Variants in CALN1 observed in about 807,000 individuals in gnomAD.
CALN1 encodes calcium-binding protein 8.
A neutral mutation model predicts 30.6 loss-of-function variants in CALN1; 17 were observed. The ratio of observed to expected loss-of-function variants is 0.56; its 90% CI spans 0.38 to 0.83. CALN1 has a LOEUF of 0.83. CALN1 is among the 40% of genes least tolerant of loss of function. The pLI is 0.00. For missense variants in CALN1, 291 were observed against 354.9 expected, an observed-to-expected ratio of 0.82 and a Z score of 1.45; for synonymous variants, 156 against 131.4, an observed-to-expected ratio of 1.19 and a Z score of -1.28.
At chr7:72,034,445 A>T (rs1473349490) in intron 4 of CALN1, among the ~76,000 whole-genome samples, 1 of 150,098 alleles carries the variant, frequency 6.7e-6, no homozygotes, top group Non-Finnish European at 1.5e-5. Context: ...TTCAAGGTGC[A>T]GGCAGGATGG....
At chr7:72,411,695 G>A (rs868363478) in intron 1 of CALN1, among the ~76,000 whole-genome samples, 12 of 152,192 alleles carry the variant, frequency 7.9e-5, no homozygotes, top group Non-Finnish European at 1.3e-4. Context: ...CCAAATGACA[G>A]AGAAACTAAC....
chr7:72,380,894 A>G (rs1804859843), intron 2 of CALN1, among the ~76,000 whole-genome samples: 1 of 152,166 alleles, frequency 6.6e-6, no homozygotes, highest in Non-Finnish European at 1.5e-5. Context: ...GGGTCACCCT[A>G]AAAGGATGCA....
chr7:71,806,731 G>A (rs1787648030), intron 6 of CALN1, among the ~76,000 whole-genome samples: 1 of 151,422 alleles, frequency 6.6e-6, no homozygotes, highest in South Asian at 2.1e-4. Context: ...CCCCCCCCCA[G>A]GGAGCTGACT....
At chr7:72,481,529 T>G in the CALN1 span, among the ~76,000 whole-genome samples, 10 of 152,242 alleles carry the variant, frequency 6.6e-5, no homozygotes, top group Non-Finnish European at 1.5e-4. Flanking sequence ...TATTTTGCTC[T>G]TCATTTTCTA....
intron 2 of CALN1, among the ~76,000 whole-genome samples, chr7:72,388,419 G>A (rs1041554232): frequency 6.6e-6 from 1 of 151,964 alleles, no homozygotes; most frequent in South Asian, 2.1e-4. Flanking sequence ...TGAGATCCAA[G>A]CACAGAAAAA....
chr7:72,151,309 C>T (rs1787226733), intron 3 of CALN1, among the ~76,000 whole-genome samples: 1 of 151,176 alleles, frequency 6.6e-6, no homozygotes, highest in Non-Finnish European at 1.5e-5. Flanking sequence ...TAGATCTCTG[C>T]CTTCATCTTC....
rs559919533 is a variant in CALN1 at position 71,865,929 on chromosome 7, G to T, written c.502-55437C>A. Among the ~76,000 whole-genome samples, 102 of 152,184 alleles carry T rather than the reference G, an allele frequency of 6.7e-4. 3 individuals carry two copies. In the South Asian group the frequency reaches 0.02, roughly 30 times the overall value. On this transcript the variant is annotated intron_variant, in intron 5 of 6. Coordinates refer to ENST00000395275, the MANE Select transcript of CALN1 (RefSeq NM_031468.4). ...AAATAAAAATTACCAATTTTAGAAAGAGTAGTAAATAAAACACAAAAGTAT... is the reference window on the plus strand; with the variant it reads ...AAATAAAAATTACCAATTTTAGAAATAGTAGTAAATAAAACACAAAAGTAT...
At chr7:72,381,755 G>A (rs879282802) in intron 2 of CALN1, among the ~76,000 whole-genome samples, 1 of 152,056 alleles carries the variant, frequency 6.6e-6, no homozygotes, top group African/African-American at 2.4e-5. Context: ...ATGCATGCAG[G>A]GCTTAAAACC....
At chr7:72,293,115 A>G (rs1798608464) in intron 2 of CALN1, among the ~76,000 whole-genome samples, 2 of 152,160 alleles carry the variant, frequency 1.3e-5, no homozygotes, top group Non-Finnish European at 2.9e-5. Flanking sequence ...TAGCCAGGAA[A>G]ACAGAGCCTG....
At chr7:72,271,945 C>T (rs1228219121) in intron 3 of CALN1, among the ~76,000 whole-genome samples, 1 of 151,542 alleles carries the variant, frequency 6.6e-6, no homozygotes, top group African/African-American at 2.4e-5. Context: ...ACCTGTAATC[C>T]CAGCTACTCA....
chr7:72,382,851 C>T (rs756652543), intron 2 of CALN1, among the ~76,000 whole-genome samples: 1 of 152,136 alleles, frequency 6.6e-6, no homozygotes, highest in Admixed American at 6.5e-5. Flanking sequence ...TGCAGGAGTG[C>T]GATCTTGGCT....
chr7:72,108,177 C>T (rs146425275), intron 3 of CALN1, among the ~76,000 whole-genome samples: 9 of 152,314 alleles, frequency 5.9e-5, no homozygotes, highest in Middle Eastern at 3.4e-3. Context: ...GCTTGCAGCC[C>T]CATCACTCCA....
At chr7:72,410,791 G>C (rs987273833) in intron 1 of CALN1, among the ~76,000 whole-genome samples, 3 of 151,324 alleles carry the variant, frequency 2.0e-5, no homozygotes, top group African/African-American at 7.3e-5. Context: ...ATCAGCTCAC[G>C]AGCCAGCACC....
At chr7:71,894,989 C>T (rs1396144700) in intron 5 of CALN1, among the ~76,000 whole-genome samples, 1 of 152,158 alleles carries the variant, frequency 6.6e-6, no homozygotes, top group Non-Finnish European at 1.5e-5. Context: ...GGGTCTTGCT[C>T]TGTTGCCCAG....
At chr7:72,387,775 C>T (rs1309210128) in intron 2 of CALN1, among the ~76,000 whole-genome samples, 1 of 152,118 alleles carries the variant, frequency 6.6e-6, no homozygotes, top group East Asian at 1.9e-4. Flanking sequence ...GTAAATGCAC[C>T]ATTGCCAGGC....
intron 2 of CALN1, among the ~76,000 whole-genome samples, chr7:72,308,372 GGAGAGAGAGAGAGA>G (rs150660773): frequency 6.5e-5 from 6 of 92,662 alleles, no homozygotes; most frequent in South Asian, 3.6e-4. Context: ...TGTGGGGGGG[GGAGAGAGAGAGAGA>G]GAGAGAGAGA....
upstream of CALN1, among the ~76,000 whole-genome samples, chr7:72,416,725 ACT>A (rs761200116): frequency 3.0e-4 from 34 of 112,858 alleles, no homozygotes; most frequent in Non-Finnish European, 1.4e-4. Context: ...GCAAAGTGAG[ACT>A]CTGTCTCAAA....
At chr7:72,005,992 A>G (rs1799753792) in intron 5 of CALN1, among the ~76,000 whole-genome samples, 2 of 152,224 alleles carry the variant, frequency 1.3e-5, no homozygotes, top group Non-Finnish European at 2.9e-5. Flanking sequence ...GTTTGTATCA[A>G]TATCAAAATC....
In CALN1 at chr7:72,106,413, C is replaced by T; in HGVS notation, c.245-119G>A. The T allele has an allele frequency of 3.3e-6, 4 of 1,208,066 alleles. No individual in the cohort carries two copies. In the South Asian group the frequency reaches 4.5e-5, roughly 14 times the overall value. 74.8% of individuals were successfully genotyped at this position (1,208,066 alleles called of 1,614,324 possible). On this transcript the variant is annotated intron_variant, in intron 3 of 6. Transcript: ENST00000395275. The stretch of plus-strand genomic sequence containing the variant: ...CTTTAAAAACAGTGATTTGTTAAAA[C>T]TCTTTAATCAGATAAAAGGGAGGAC...
Sources: gnomAD v4.1 joint callset for allele counts (sites outside exome capture counted in the v4.1 genomes callset) on GRCh38, gnomAD v4.1.1 for gene constraint, MANE v1.5 for transcripts, NCBI Gene and HGNC (gene_info 2026-07-23, HGNC 2026-07-21) for gene names.